The following ELL variants were observed in gnomAD, a reference collection of about 807,000 sequenced individuals.
ELL encodes RNA polymerase II elongation factor ELL.
Under a neutral mutation model 64.0 loss-of-function variants are expected in ELL, and 18 were observed. The observed-to-expected ratio is 0.28, with a 90% confidence interval of 0.19 to 0.42. ELL has a LOEUF of 0.42. Ranked by LOEUF, ELL falls within the 10% of genes least tolerant of loss-of-function variation. The pLI, the probability that ELL is intolerant of heterozygous loss-of-function variation, is 1.00. For missense variants in ELL, 797 were observed against 870.4 expected (o/e 0.92, Z 1.06); for synonymous variants, 399 against 376.2 (o/e 1.06, Z -0.70).
At chr19:18,500,261 CAAAAAAA>C (rs545592109) in intron 1 of ELL, among the ~76,000 whole-genome samples, 13 of 66,070 alleles carry the variant, frequency 2.0e-4, no homozygotes, top group Admixed American at 6.9e-4. Flanking sequence ...GACTCCGTCT[CAAAAAAA>C]AAAAAAAAAA....
intron 4 of ELL, among the ~76,000 whole-genome samples, chr19:18,462,743 G>A (rs1349823357): frequency 3.9e-5 from 6 of 152,156 alleles, no homozygotes; most frequent in South Asian, 2.1e-4. Flanking sequence ...AACTGCAAGA[G>A]GCAGTCACTC....
Position 18,521,824 on chromosome 19 carries a change from C to T in ELL, c.135+97G>A, listed in dbSNP as rs549846660. 5.4e-6 allele frequency: 8 copies of T among 1,467,952 alleles called. No homozygotes were observed. The African/African-American group carries it at 5.8e-5, about 11-fold the overall frequency. The allele number at this position is 1,467,952 out of a possible 1,614,324, so 90.9% of individuals were successfully genotyped here. A position where few individuals can be genotyped will look rare whatever the true frequency, so the allele number is the denominator to read the frequency against. On this transcript the variant is annotated intron_variant, in intron 1 of 11. Transcript: ENST00000262809. ...GGGACCCGCGAGCAGCACCACAGAC[C>T]TAGCGTCTCCGAGCCCGGACGCCTC...
At position 18,455,826 on chromosome 19, in the gene ELL, C is replaced by T. The variant is rs149833855; in HGVS notation, c.869+2379G>A. Among the ~76,000 whole-genome samples the T allele has an allele frequency of 3.1e-3, 467 of 152,134 alleles. 3 individuals carry two copies. The highest frequency in any genetic ancestry group is 6.2e-3 in the Admixed American group (95 of 15,290). ...GCAAGAGATGAAAACCAGCTGGGCG[C>T]GGTGGCTCACGCCTGTAATCCCAGC... On this transcript the variant is annotated intron_variant, in intron 6 of 11. Coordinates refer to ENST00000262809, the MANE Select transcript of ELL (RefSeq NM_006532.4).
At position 18,508,563 on chromosome 19, in the gene ELL, C is replaced by T. The variant is rs528345575; in HGVS notation, c.135+13358G>A. Reference sequence around the variant, plus strand: ...CTTCACAGGGCTGCCTGGCACTGCACAGGGGCCTGGGAGCCCAAGGCCCGA... The same window carrying T: ...CTTCACAGGGCTGCCTGGCACTGCATAGGGGCCTGGGAGCCCAAGGCCCGA... On this transcript the variant is annotated intron_variant, in intron 1 of 11. Coordinates refer to ENST00000262809, the MANE Select transcript of ELL (RefSeq NM_006532.4). 1.9e-3 allele frequency among the ~76,000 whole-genome samples: 288 copies of T among 152,350 alleles called. 1 individual carries two copies. The highest frequency in any genetic ancestry group is 0.014 in the South Asian group (69 of 4,826).
chr19:18,462,370 C>CG (rs869305278), intron 4 of ELL, among the ~76,000 whole-genome samples: 12 of 23,042 alleles, frequency 5.2e-4, no homozygotes, highest in South Asian at 3.0e-3. Flanking sequence ...TGTGTTTGGG[C>CG]GGGGGGCGGG....
intron 1 of ELL, among the ~76,000 whole-genome samples, chr19:18,477,526 G>A (rs932910997): frequency 6.6e-6 from 1 of 152,164 alleles, no homozygotes; most frequent in Admixed American, 6.5e-5. Context: ...GGCGCATCAT[G>A]AGCAAATCAG....
chr19:18,486,689 TCA>T (rs974753696), intron 1 of ELL, among the ~76,000 whole-genome samples: 20 of 152,114 alleles, frequency 1.3e-4, no homozygotes, highest in Non-Finnish European at 2.9e-5. Flanking sequence ...CATTGTCTGC[TCA>T]CTGCAACCTC....
At chr19:18,453,895 A>G (rs8107367) in intron 6 of ELL, among the ~76,000 whole-genome samples, 67,138 of 152,064 alleles carry the variant, frequency 0.44, 16,732 homozygotes, top group African/African-American at 0.69. Flanking sequence ...CACAGCTACA[A>G]GTTTCCACAG....
intron 6 of ELL, among the ~76,000 whole-genome samples, chr19:18,453,097 C>T (rs552546586): frequency 2.0e-5 from 3 of 152,128 alleles, no homozygotes; most frequent in Non-Finnish European, 4.4e-5. Flanking sequence ...CATGGTGAAA[C>T]CCCGTCTCTC....
intron 6 of ELL, among the ~76,000 whole-genome samples, chr19:18,454,908 G>A (rs1016857537): frequency 8.7e-5 from 13 of 150,160 alleles, no homozygotes; most frequent in African/African-American, 3.2e-4. Context: ...CAGCACTTTG[G>A]AAGGCTGAGG....
chr19:18,519,178 C>G (rs1449646579), intron 1 of ELL, among the ~76,000 whole-genome samples: 1 of 150,246 alleles, frequency 6.7e-6, no homozygotes, highest in Non-Finnish European at 1.5e-5. Context: ...CTGGCTAACA[C>G]GAAAAATCGC....
In ELL at chr19:18,454,840, C is replaced by CAAAAAAAAAAAAAAAA. The variant is rs563546343; in HGVS notation, c.870-3208_870-3193dup. Among the ~76,000 whole-genome samples, 112 of 56,486 alleles carry CAAAAAAAAAAAAAAAA rather than the reference C, an allele frequency of 2.0e-3. 3 individuals are homozygous for CAAAAAAAAAAAAAAAA. Among genetic ancestry groups the CAAAAAAAAAAAAAAAA allele is most frequent in the Admixed American group, 5.9e-3 (27 of 4,578 alleles). 37.1% of individuals were successfully genotyped at this position (56,486 alleles called of 152,430 possible). Reference sequence around the variant, plus strand: ...TGGGCAACAGAGTGAGACTCAGTCTCAAAAAAAAAAAAAAAAAAGGCATCC... The same window carrying CAAAAAAAAAAAAAAAA: ...TGGGCAACAGAGTGAGACTCAGTCTCAAAAAAAAAAAAAAAAAAAAAAAAAAAAAAAAAAGGCATCC... On this transcript the variant is annotated intron_variant, in intron 6 of 11. Coordinates refer to ENST00000262809, the MANE Select transcript of ELL (RefSeq NM_006532.4).
At position 18,458,346 on chromosome 19, in the gene ELL, G is replaced by A; in HGVS notation, c.745-17C>T. 6.2e-7 allele frequency: 1 copy of A among 1,604,064 alleles called. No homozygotes were observed. The stretch of plus-strand genomic sequence containing the variant: ...GTTGGCCACCTGCAAGACAGAGCCA[G>A]CCATCACTTTGTGGGAATCCTGAGA... On this transcript the variant is annotated splice_polypyrimidine_tract_variant and intron_variant, in intron 5 of 11. Transcript: ENST00000262809.
intron 6 of ELL, among the ~76,000 whole-genome samples, chr19:18,457,767 G>A (rs1018991958): frequency 2.6e-5 from 4 of 152,168 alleles, no homozygotes; most frequent in Non-Finnish European, 4.4e-5. Flanking sequence ...GCTTAATGAC[G>A]CCTGCCCTGC....
At chr19:18,445,868 G>T (rs749771865) in intron 10 of ELL, among the ~76,000 whole-genome samples, 4 of 152,072 alleles carry the variant, frequency 2.6e-5, no homozygotes, top group Non-Finnish European at 5.9e-5. Flanking sequence ...AGGACCACAG[G>T]GACCTGTCAC....
At chr19:18,507,122 A>T (rs1975898888) in intron 1 of ELL, among the ~76,000 whole-genome samples, 1 of 152,320 alleles carries the variant, frequency 6.6e-6, no homozygotes, top group Middle Eastern at 3.4e-3. Context: ...TGAGCTGAGC[A>T]CATTTCACTG....
chr19:18,458,376 C>G (rs763370491), intron 5 of ELL, 47 bp from the exon 6 acceptor site: 27 of 1,587,346 alleles, frequency 1.7e-5, no homozygotes, highest in Non-Finnish European at 2.1e-5. Context: ...CTGAGAGAGA[C>G]GGGGGACTAG....
chr19:18,461,957 G>T, intron 4 of ELL, 105 bp from the exon 5 acceptor site: 1 of 1,415,432 alleles, frequency 7.1e-7, no homozygotes, highest in Non-Finnish European at 9.6e-7. Flanking sequence ...GACAGTGCTG[G>T]TGGGAGGCAC....
At chr19:18,445,084 G>A (rs1974384606) in intron 11 of ELL, 140 bp downstream of exon 11, 2 of 1,269,382 alleles carry the variant, frequency 1.6e-6, no homozygotes, top group East Asian at 4.6e-5. Flanking sequence ...TGGGGGTGGT[G>A]GGGCAACTTT....
Sources: gnomAD v4.1 joint callset for allele counts (sites outside exome capture counted in the v4.1 genomes callset) on GRCh38, gnomAD v4.1.1 for gene constraint, MANE v1.5 for transcripts, NCBI Gene and HGNC (gene_info 2026-07-23, HGNC 2026-07-21) for gene names.